EGFLAM: variants seen among roughly 807,000 people sequenced by gnomAD.
EGFLAM encodes the protein EGF like, fibronectin type III and laminin G domains, also known as pikachurin.
EGFLAM carries 79 observed loss-of-function variants against 113.1 expected under a neutral mutation model. That is an observed-to-expected ratio of 0.70 (90% CI 0.58 to 0.84). EGFLAM has a LOEUF of 0.84. EGFLAM is among the 40% of genes least tolerant of loss of function. The pLI is 0.00. For synonymous variants in EGFLAM, 504 were observed against 487.6 expected (o/e 1.03, Z -0.44); for missense variants, 1,265 against 1,291.6 (o/e 0.98, Z 0.32).
At chr5:38,305,320 A>G in intron 1 of EGFLAM, 2 of 264,886 alleles carry the variant, frequency 7.6e-6, no homozygotes, top group South Asian at 8.2e-5. Context: ...CAATTACTTC[A>G]AAATTCTGAA....
intron 1 of EGFLAM, among the ~76,000 whole-genome samples, chr5:38,294,228 A>G (rs34038375): frequency 0.19 from 29,533 of 152,004 alleles, 3,277 homozygotes; most frequent in Middle Eastern, 0.31. Context: ...AGGGGGCATC[A>G]GTTTCTCATG....
rs1262756241 is a variant in EGFLAM, at chr5:38,412,496, C to T, written c.1350-8C>T. On this transcript the variant is annotated splice_polypyrimidine_tract_variant and splice_region_variant and intron_variant, in intron 10 of 21. Transcript: ENST00000322350. ...AAGAAATCTTCTTTTCCTTTTCCTC[C>T]CCAACAGGTTTAATTGTGGAACTGG... is the stretch of plus-strand genomic sequence containing the variant. The T allele has an allele frequency of 6.2e-7, 1 of 1,613,972 alleles. No homozygotes were observed. The highest frequency in any genetic ancestry group is 1.3e-5 in the African/African-American group (1 of 74,908).
intron 1 of EGFLAM, among the ~76,000 whole-genome samples, chr5:38,287,106 C>T (rs1436322153): frequency 6.6e-6 from 1 of 152,220 alleles, no homozygotes; most frequent in Non-Finnish European, 1.5e-5. Context: ...CCCAAGATCA[C>T]TGTTGCTAAC....
chr5:38,321,859 C>G (rs890532123), intron 1 of EGFLAM, among the ~76,000 whole-genome samples: 3 of 152,170 alleles, frequency 2.0e-5, no homozygotes, highest in African/African-American at 4.8e-5. Flanking sequence ...CCATAGAAGC[C>G]CACGTACATT....
chr5:38,407,682 C>A, intron 8 of EGFLAM, 123 bp from the exon 9 acceptor site: 2 of 637,980 alleles, frequency 3.1e-6, no homozygotes, highest in South Asian at 2.0e-5. Context: ...AAGAAGATAG[C>A]GAAGTTGAAT....
intron 17 of EGFLAM, among the ~76,000 whole-genome samples, chr5:38,442,441 A>T (rs1035267617): frequency 5.4e-5 from 8 of 148,722 alleles, no homozygotes; most frequent in African/African-American, 1.5e-4. Context: ...TTAATATATT[A>T]AAATATGTTT....
intron 6 of EGFLAM, among the ~76,000 whole-genome samples, chr5:38,375,277 C>G (rs1740336526): frequency 6.6e-6 from 1 of 152,082 alleles, no homozygotes; most frequent in African/African-American, 2.4e-5. Flanking sequence ...ATTAGTTAGA[C>G]CCAAACCAAG....
Position 38,441,593 on chromosome 5 carries a change from T to TACACACACAC in EGFLAM, c.2464+3159_2464+3168dup, listed in dbSNP as rs3048229. Reference sequence around the variant, plus strand: ...CTGAGGAATATGAATCGCTGCTTTGTACACACACACACACACACACACACA... The same window carrying TACACACACAC: ...CTGAGGAATATGAATCGCTGCTTTGTACACACACACACACACACACACACACACACACACA... On this transcript the variant is annotated intron_variant, in intron 17 of 21. Transcript: ENST00000322350. Among the ~76,000 whole-genome samples the TACACACACAC allele has an allele frequency of 6.5e-3, 956 of 147,652 alleles. 6 individuals carry two copies. Among genetic ancestry groups the TACACACACAC allele is most frequent in the African/African-American group, 0.011 (434 of 40,132 alleles).
intron 12 of EGFLAM, 68 bp downstream of exon 12, chr5:38,418,323 C>A: frequency 6.4e-7 from 1 of 1,559,584 alleles, no homozygotes; most frequent in Non-Finnish European, 8.7e-7. Context: ...GCCTTTCTGG[C>A]TTGGGCCATG....
chr5:38,462,011 AC>A (rs1360440410), intron 20 of EGFLAM, among the ~76,000 whole-genome samples: 13 of 152,074 alleles, frequency 8.5e-5, no homozygotes, highest in African/African-American at 3.1e-4. Context: ...TAAAAAAAAT[AC>A]AAAAAATTAG....
intron 1 of EGFLAM, among the ~76,000 whole-genome samples, chr5:38,288,530 T>C (rs1465938912): frequency 1.3e-5 from 2 of 152,092 alleles, no homozygotes; most frequent in African/African-American, 4.8e-5. Flanking sequence ...TAGCCAAGAG[T>C]TTGACTGAAT....
chr5:38,309,057 A>T (rs1291365136), intron 1 of EGFLAM, among the ~76,000 whole-genome samples: 1 of 152,250 alleles, frequency 6.6e-6, no homozygotes, highest in East Asian at 1.9e-4. Flanking sequence ...CAACATAGCC[A>T]TTATTAAAAA....
At position 38,465,337 on chromosome 5, in the gene EGFLAM, A is replaced by T. The variant is rs1743433781; in HGVS notation, c.*1351A>T. On this transcript the variant is annotated 3_prime_UTR_variant, in exon 22 of 22. Transcript: ENST00000322350. ...GAGGGGGTGAAATATGATCTAACTTATGCAAGAGCCTATAATTAGTCCCAG... is the reference window on the plus strand; with the variant it reads ...GAGGGGGTGAAATATGATCTAACTTTTGCAAGAGCCTATAATTAGTCCCAG... Among the ~76,000 whole-genome samples the T allele has an allele frequency of 6.6e-6, 1 of 152,242 alleles. No homozygotes were observed. Among genetic ancestry groups the T allele is most frequent in the Admixed American group, 6.5e-5 (1 of 15,288 alleles).
chr5:38,330,068 G>T (rs1255876249), intron 1 of EGFLAM, among the ~76,000 whole-genome samples: 1 of 152,130 alleles, frequency 6.6e-6, no homozygotes, highest in African/African-American at 2.4e-5. Context: ...CTTTTTATGG[G>T]TGCCAAGAGG....
Position 38,435,589 on chromosome 5 carries a change from C to T in EGFLAM, c.2283+336C>T, listed in dbSNP as rs1051989623. Among the ~76,000 whole-genome samples, 6 of 152,170 alleles carry T rather than the reference C, an allele frequency of 3.9e-5. No homozygotes were observed. The East Asian group carries it at 7.7e-4, about 20-fold the overall frequency. On this transcript the variant is annotated intron_variant, in intron 16 of 21. Transcript: ENST00000322350. ...CTTCCACAGTAGGGAAGGAGGTGGA[C>T]GGAGGTGAATAGCAACCTTGGCTCT...
intron 1 of EGFLAM, among the ~76,000 whole-genome samples, chr5:38,331,889 T>C (rs556154767): frequency 6.6e-6 from 1 of 152,362 alleles, no homozygotes; most frequent in South Asian, 2.1e-4. Flanking sequence ...GCTGTATATA[T>C]CCATGTGCAG....
intron 1 of EGFLAM, among the ~76,000 whole-genome samples, chr5:38,299,930 T>C (rs973609915): frequency 5.9e-5 from 9 of 152,176 alleles, no homozygotes; most frequent in Non-Finnish European, 8.8e-5. Context: ...AAAAACAGAC[T>C]CTGTTTTCTG....
chr5:38,302,750 C>G (rs901738172), intron 1 of EGFLAM, among the ~76,000 whole-genome samples: 1 of 149,706 alleles, frequency 6.7e-6, no homozygotes, highest in African/African-American at 2.5e-5. Context: ...CAAGCCTTTT[C>G]TCCCTTGTTT....
chr5:38,336,650 C>A (rs1231357761), intron 1 of EGFLAM, among the ~76,000 whole-genome samples: 1 of 150,248 alleles, frequency 6.7e-6, no homozygotes, highest in East Asian at 1.9e-4. Flanking sequence ...AAATCTGAAA[C>A]CCTAAATGCT....
Sources: allele counts gnomAD v4.1 joint callset (sites outside exome capture counted in the v4.1 genomes callset), GRCh38; gene constraint gnomAD v4.1.1; transcripts MANE v1.5; gene names NCBI Gene and HGNC (gene_info 2026-07-23, HGNC 2026-07-21).